The following ELMO1 variants were observed in gnomAD, a reference collection of about 807,000 sequenced individuals.
ELMO1 encodes the protein engulfment and cell motility 1.
ELMO1 carries 26 observed loss-of-function variants against 98.9 expected under a neutral mutation model. That is an observed-to-expected ratio of 0.26 (90% CI 0.19 to 0.36). The LOEUF (loss-of-function observed/expected upper bound fraction) is 0.36, where lower values mean the gene tolerates loss of function less well. Among genes scored for constraint, ELMO1 ranks in the 10% least tolerant of loss-of-function variants. The probability of loss-of-function intolerance (pLI) is 1.00; values close to 1 mark genes in which losing one functional copy is unlikely to be tolerated. For synonymous variants in ELMO1, 346 were observed against 346.0 expected (o/e 1.00, Z 0.00); for missense variants, 627 against 935.2 (o/e 0.67, Z 4.30).
chr7:37,398,671 T>C (rs902083339), intron 1 of ELMO1, among the ~76,000 whole-genome samples: 1 of 151,502 alleles, frequency 6.6e-6, no homozygotes, highest in African/African-American at 2.4e-5. Flanking sequence ...CGTGTACTGC[T>C]GCTATCGTCT....
At chr7:36,903,800 C>T (rs1783762404) in intron 16 of ELMO1, among the ~76,000 whole-genome samples, 1 of 152,220 alleles carries the variant, frequency 6.6e-6, no homozygotes, top group Non-Finnish European at 1.5e-5. Context: ...AGATGCCAAC[C>T]AAAGAGCTGA....
chr7:36,982,034 G>C (rs1381955352), intron 16 of ELMO1, among the ~76,000 whole-genome samples: 1 of 152,186 alleles, frequency 6.6e-6, no homozygotes, highest in African/African-American at 2.4e-5. Flanking sequence ...ACGGTGGCTA[G>C]GGAAGCCTTG....
chr7:37,037,827 A>G (rs1795280713), intron 15 of ELMO1, among the ~76,000 whole-genome samples: 1 of 152,214 alleles, frequency 6.6e-6, no homozygotes, highest in South Asian at 2.1e-4. Flanking sequence ...GTGAATGTAT[A>G]TGGCTTCAAG....
chr7:37,428,551 T>C (rs1042295074), intron 1 of ELMO1, among the ~76,000 whole-genome samples: 1 of 152,174 alleles, frequency 6.6e-6, no homozygotes, highest in Admixed American at 6.5e-5. Flanking sequence ...GTAATATTGG[T>C]TCCTTTTTAA....
intron 1 of ELMO1, among the ~76,000 whole-genome samples, chr7:37,415,797 CTTAAAG>C (rs1481560822): frequency 1.3e-5 from 2 of 152,144 alleles, no homozygotes; most frequent in Non-Finnish European, 2.9e-5. Context: ...GTGGATCCAA[CTTAAAG>C]TTAAACATTA....
intron 13 of ELMO1, among the ~76,000 whole-genome samples, chr7:37,166,668 T>C (rs1789717093): frequency 1.3e-5 from 2 of 152,254 alleles, no homozygotes; most frequent in Non-Finnish European, 2.9e-5. Flanking sequence ...TTCTTAATCC[T>C]GAGTTCTAGT....
intron 13 of ELMO1, among the ~76,000 whole-genome samples, chr7:37,164,606 A>G (rs1303599128): frequency 1.3e-5 from 2 of 152,016 alleles, no homozygotes; most frequent in African/African-American, 4.8e-5. Context: ...TCCTTTCCCT[A>G]TTTCTTGTTT....
intron 16 of ELMO1, among the ~76,000 whole-genome samples, chr7:36,982,154 T>G (rs1791117087): frequency 6.6e-6 from 1 of 152,216 alleles, no homozygotes; most frequent in Admixed American, 6.5e-5. Context: ...ATTGGAAAAC[T>G]TTGATGTATG....
At position 37,258,044 on chromosome 7, in the gene ELMO1, CAGATCACG is replaced by C. The variant is rs550843910; in HGVS notation, c.413+1129_413+1136del. 6.6e-4 allele frequency among the ~76,000 whole-genome samples: 100 copies of C among 151,760 alleles called. 1 individual carries two copies. The Middle Eastern group carries it at 0.01, about 16-fold the overall frequency. ...CAACACCTTGGGAGGCCAAGGCAGG[CAGATCACG>C]AGGTCAAGAGATCGAGACCATCCTG... On this transcript the variant is annotated intron_variant, in intron 6 of 21. Coordinates refer to ENST00000310758, the MANE Select transcript of ELMO1 (RefSeq NM_014800.11).
At chr7:37,306,360 T>A (rs2131051228) in intron 4 of ELMO1, among the ~76,000 whole-genome samples, 1 of 152,344 alleles carries the variant, frequency 6.6e-6, no homozygotes, top group East Asian at 1.9e-4. Flanking sequence ...ATTGAAAATG[T>A]TGACTTGTGA....
chr7:36,875,587 A>T (rs562842656), intron 19 of ELMO1, among the ~76,000 whole-genome samples: 1 of 152,310 alleles, frequency 6.6e-6, no homozygotes, highest in African/African-American at 2.4e-5. Context: ...CAATCCCTTC[A>T]AGAACCAGCC....
At chr7:37,217,929 A>T (rs946247326) in intron 10 of ELMO1, among the ~76,000 whole-genome samples, 19 of 152,194 alleles carry the variant, frequency 1.2e-4, no homozygotes, top group African/African-American at 3.4e-4. Context: ...GATGGCACTC[A>T]AGTCAACATC....
chr7:37,240,571 T>C (rs770643973), intron 7 of ELMO1, among the ~76,000 whole-genome samples: 2 of 151,168 alleles, frequency 1.3e-5, no homozygotes, highest in Non-Finnish European at 3.0e-5. Context: ...ACTTAGACCA[T>C]TTTTTTTTAA....
At chr7:36,861,138 C>T (rs976955591) in intron 21 of ELMO1, among the ~76,000 whole-genome samples, 2 of 152,198 alleles carry the variant, frequency 1.3e-5, no homozygotes, top group African/African-American at 4.8e-5. Flanking sequence ...TTAAATATAG[C>T]TGACAGCGTG....
At chr7:37,268,080 T>C (rs1443621288) in intron 5 of ELMO1, among the ~76,000 whole-genome samples, 2 of 152,194 alleles carry the variant, frequency 1.3e-5, no homozygotes, top group African/African-American at 4.8e-5. Context: ...AAAGTAACAA[T>C]GGTCTGGCAA....
chr7:37,154,719 AC>A (rs1339902712), intron 13 of ELMO1, among the ~76,000 whole-genome samples: 1 of 152,230 alleles, frequency 6.6e-6, no homozygotes, highest in African/African-American at 2.4e-5. Context: ...GGAGAATGGA[AC>A]CAAGTTGGAA....
At chr7:37,310,965 C>A (rs1036498837) in intron 4 of ELMO1, among the ~76,000 whole-genome samples, 1 of 149,796 alleles carries the variant, frequency 6.7e-6, no homozygotes, top group East Asian at 1.9e-4. Context: ...AAGACAAATT[C>A]CACCTAAACA....
intron 16 of ELMO1, among the ~76,000 whole-genome samples, chr7:36,907,198 C>T (rs2129062768): frequency 6.6e-6 from 1 of 151,968 alleles, no homozygotes; most frequent in South Asian, 2.1e-4. Flanking sequence ...GGGACGAATC[C>T]CTGTGATAGT....
chr7:37,345,001 T>C (rs1800927267), intron 1 of ELMO1, among the ~76,000 whole-genome samples: 2 of 152,218 alleles, frequency 1.3e-5, no homozygotes, highest in African/African-American at 2.4e-5. Flanking sequence ...ACAATAGAGA[T>C]AGCAGAGTTA....
Sources: allele counts gnomAD v4.1 joint callset (sites outside exome capture counted in the v4.1 genomes callset), GRCh38; gene constraint gnomAD v4.1.1; transcripts MANE v1.5; gene names NCBI Gene and HGNC (gene_info 2026-07-23, HGNC 2026-07-21).